Variants in PIK3CA observed in about 807,000 individuals in gnomAD.
PIK3CA encodes phosphatidylinositol 4,5-bisphosphate 3-kinase catalytic subunit alpha isoform.
A neutral mutation model predicts 138.2 loss-of-function variants in PIK3CA; 27 were observed. The ratio of observed to expected loss-of-function variants is 0.20; its 90% CI spans 0.14 to 0.27. The LOEUF (loss-of-function observed/expected upper bound fraction) is 0.27, where lower values mean the gene tolerates loss of function less well. PIK3CA is among the 10% of genes least tolerant of loss of function. PIK3CA has a pLI of 1.00. For missense variants in PIK3CA, 544 were observed against 1,277.4 expected (o/e 0.43, Z 8.75); for synonymous variants, 358 against 413.2 (o/e 0.87, Z 1.62).
At chr3:179,174,777 A>G (rs563952129) in intron 1 of PIK3CA, among the ~76,000 whole-genome samples, 1 of 152,330 alleles carries the variant, frequency 6.6e-6, no homozygotes, top group South Asian at 2.1e-4. Context: ...TTCAATGACC[A>G]TATAGTAATA....
At chr3:179,194,214 G>C (rs1724206420) in intron 1 of PIK3CA, among the ~76,000 whole-genome samples, 1 of 152,066 alleles carries the variant, frequency 6.6e-6, no homozygotes, top group Admixed American at 6.6e-5. Context: ...AAATACTTCA[G>C]AGAATTTATT....
intron 1 of PIK3CA, among the ~76,000 whole-genome samples, chr3:179,157,181 A>C (rs1046801549): frequency 6.6e-6 from 1 of 152,206 alleles, no homozygotes; most frequent in Non-Finnish European, 1.5e-5. Context: ...ATATCAATGC[A>C]TAGTAATGTC....
intron 1 of PIK3CA, among the ~76,000 whole-genome samples, chr3:179,173,089 G>GAA: frequency 6.6e-6 from 1 of 152,050 alleles, no homozygotes; most frequent in African/African-American, 2.4e-5. Flanking sequence ...GTGATTTAAT[G>GAA]AAATGTAACA....
rs41273619 is a variant in PIK3CA at position 179,219,558 on chromosome 3, T to C, written c.1747-13T>C. The C allele has an allele frequency of 0.048, 61,056 of 1,268,272 alleles. 1,578 individuals are homozygous for C. The highest frequency in any genetic ancestry group is 0.052 in the Non-Finnish European group (45,822 of 876,846). 78.6% of individuals were successfully genotyped at this position (1,268,272 alleles called of 1,614,324 possible). On this transcript the variant is annotated splice_polypyrimidine_tract_variant and intron_variant, in intron 11 of 20. Transcript: ENST00000263967. The surrounding 1 kb of genome is among the most constrained non-coding windows in gnomAD (Gnocchi z 4.2). ...CCCCTTTAAATATGATTTATTGTCT[T>C]TCTCATACACAGATGTATTGCTTGG... is the stretch of plus-strand genomic sequence containing the variant.
chr3:179,209,746 C>A, intron 7 of PIK3CA, 46 bp downstream of exon 7: 1 of 1,029,154 alleles, frequency 9.7e-7, no homozygotes, highest in South Asian at 1.6e-5. Context: ...TTAAAAACTC[C>A]TGATTATACC....
chr3:179,211,498 C>T (rs761370914), intron 9 of PIK3CA, among the ~76,000 whole-genome samples: 6 of 151,996 alleles, frequency 3.9e-5, no homozygotes, highest in Non-Finnish European at 5.9e-5. Context: ...GGTGAAATCC[C>T]GTCTCTACTA....
rs762135731 is a variant in PIK3CA, at chr3:179,218,354, T to C, written c.1664+20T>C. On this transcript the variant is annotated intron_variant, in intron 10 of 20. Coordinates refer to ENST00000263967, the MANE Select transcript of PIK3CA (RefSeq NM_006218.4). The stretch of plus-strand genomic sequence containing the variant: ...TCACAGGTAAGTGCTAAAATGGAGA[T>C]TCTCTGTTTCTTTTTCTTTATTACA... 3 of 1,582,914 alleles carry C rather than the reference T, an allele frequency of 1.9e-6. No individual in the cohort carries two copies. Among genetic ancestry groups the C allele is most frequent in the Admixed American group, 1.8e-5 (1 of 55,460 alleles).
intron 1 of PIK3CA, among the ~76,000 whole-genome samples, chr3:179,170,074 G>GTGCA (rs756375767): frequency 0.23 from 27,654 of 119,888 alleles, 2,752 homozygotes; most frequent in Non-Finnish European, 0.3. Flanking sequence ...ACACGCGCGC[G>GTGCA]CGCACACACA....
rs538081311 is a variant in PIK3CA at position 179,171,521 on chromosome 3, G to A, written c.-77+22918G>A. 2.6e-5 allele frequency among the ~76,000 whole-genome samples: 4 copies of A among 152,060 alleles called. No homozygotes were observed. In the South Asian group the frequency reaches 8.3e-4, roughly 32 times the overall value. ...AATCTTTAGCTAAAATGAACAAGAA[G>A]GGATGTAAATTAGAAATACTGAGAA... On this transcript the variant is annotated intron_variant, in intron 1 of 20. Coordinates refer to ENST00000263967, the MANE Select transcript of PIK3CA (RefSeq NM_006218.4).
chr3:179,207,233 T>C (rs978660170), intron 6 of PIK3CA, among the ~76,000 whole-genome samples: 2 of 152,250 alleles, frequency 1.3e-5, no homozygotes, highest in Admixed American at 6.5e-5. Flanking sequence ...TATGATTTCT[T>C]TGTAAATGTT....
intron 20 of PIK3CA, among the ~76,000 whole-genome samples, chr3:179,233,536 A>G (rs998891568): frequency 1.3e-5 from 2 of 152,158 alleles, no homozygotes; most frequent in African/African-American, 4.8e-5. Context: ...TTCATAACAC[A>G]TTAAAGGTTT....
chr3:179,213,503 T>A (rs1724767987), intron 9 of PIK3CA, among the ~76,000 whole-genome samples: 1 of 152,208 alleles, frequency 6.6e-6, no homozygotes, highest in Non-Finnish European at 1.5e-5. Flanking sequence ...CTTACCAAGC[T>A]GGTGGTTGCT....
intron 1 of PIK3CA, among the ~76,000 whole-genome samples, chr3:179,186,944 GAAATGGATATACAGCTGGC>G (rs1723996964): frequency 6.6e-6 from 1 of 152,086 alleles, no homozygotes; most frequent in Non-Finnish European, 1.5e-5. Context: ...AGTTGGTCCT[GAAATGGATATACAGCTGGC>G]AAACTTAAAT....
intron 1 of PIK3CA, among the ~76,000 whole-genome samples, chr3:179,165,734 C>T (rs1314092373): frequency 6.6e-6 from 1 of 152,114 alleles, no homozygotes; most frequent in African/African-American, 2.4e-5. Context: ...TTCTCATGGA[C>T]ACCTTACAGT....
intron 1 of PIK3CA, among the ~76,000 whole-genome samples, chr3:179,182,885 C>G (rs1326965051): frequency 6.6e-6 from 1 of 152,160 alleles, no homozygotes; most frequent in Non-Finnish European, 1.5e-5. Context: ...TTCTCTCCCA[C>G]CATTGAAGTA....
Position 179,210,031 on chromosome 3 carries a change from A to C in PIK3CA, c.1252-155A>C, listed in dbSNP as rs1724667756. On this transcript the variant is annotated intron_variant, in intron 7 of 20. Coordinates refer to ENST00000263967, the MANE Select transcript of PIK3CA (RefSeq NM_006218.4). The stretch of plus-strand genomic sequence containing the variant: ...ATGTAATTTCAAATGGGGAAAAAGG[A>C]AAGAATGGGCTTAAACCTTGAAAAA... 2.6e-5 allele frequency among the ~76,000 whole-genome samples: 4 copies of C among 151,340 alleles called. No homozygotes were observed. In the South Asian group the frequency reaches 8.3e-4, roughly 31 times the overall value.
intron 1 of PIK3CA, among the ~76,000 whole-genome samples, chr3:179,173,740 T>C (rs889971724): frequency 1.3e-5 from 2 of 152,128 alleles, no homozygotes; most frequent in Non-Finnish European, 2.9e-5. Flanking sequence ...TTTGTTTTTG[T>C]TTAGAGGTGG....
chr3:179,210,402 T>C (rs202100129), intron 8 of PIK3CA, 29 bp from the exon 9 acceptor site: 6 of 1,607,182 alleles, frequency 3.7e-6, no homozygotes, highest in Non-Finnish European at 4.2e-6. Flanking sequence ...CTCTTATGTA[T>C]ATATAATAGC....
intron 1 of PIK3CA, among the ~76,000 whole-genome samples, chr3:179,198,064 A>G (rs1269660613): frequency 6.6e-6 from 1 of 152,228 alleles, no homozygotes; most frequent in Non-Finnish European, 1.5e-5. Context: ...ATTCATCGTC[A>G]TACTTCAAGG....
Sources: allele counts gnomAD v4.1 joint callset (sites outside exome capture counted in the v4.1 genomes callset), GRCh38; gene constraint gnomAD v4.1.1; non-coding constraint Gnocchi (gnomAD v3.1); transcripts MANE v1.5; gene names NCBI Gene and HGNC (gene_info 2026-07-23, HGNC 2026-07-21).